NTN4: variants seen among roughly 807,000 people sequenced by gnomAD.
The protein encoded by NTN4 is netrin 4, also known as netrin-4.
In NTN4, 32 loss-of-function variants were observed where a neutral mutation model predicts 73.6. The observed-to-expected ratio is 0.44, with a 90% CI of 0.33 to 0.58. The LOEUF (loss-of-function observed/expected upper bound fraction) is 0.58. Among genes scored for constraint, NTN4 ranks in the 20% least tolerant of loss-of-function variants. The probability of loss-of-function intolerance (pLI) is 0.04; values close to 1 mark genes in which losing one functional copy is unlikely to be tolerated. For synonymous variants in NTN4, 258 were observed against 287.5 expected, an observed-to-expected ratio of 0.90 and a Z score of 1.04; for missense variants, 654 against 798.3, an observed-to-expected ratio of 0.82 and a Z score of 2.18.
At chr12:95,709,151 G>A (rs2078543657) in intron 5 of NTN4, among the ~76,000 whole-genome samples, 1 of 152,176 alleles carries the variant, frequency 6.6e-6, no homozygotes, top group African/African-American at 2.4e-5. Context: ...GAGCAATATA[G>A]TTTTTCCTTT....
At chr12:95,756,199 G>A (rs2078946058) in intron 2 of NTN4, among the ~76,000 whole-genome samples, 2 of 152,114 alleles carry the variant, frequency 1.3e-5, no homozygotes, top group Non-Finnish European at 2.9e-5. Flanking sequence ...AAAAACATAG[G>A]ATTAAAGAAA....
intron 3 of NTN4, among the ~76,000 whole-genome samples, chr12:95,730,268 A>G (rs2078728468): frequency 6.6e-6 from 1 of 152,190 alleles, no homozygotes; most frequent in Non-Finnish European, 1.5e-5. Context: ...ATGAACAAAT[A>G]TTATATTTTG....
intron 2 of NTN4, among the ~76,000 whole-genome samples, chr12:95,771,315 G>A (rs1017165175): frequency 3.3e-5 from 5 of 152,142 alleles, no homozygotes; most frequent in African/African-American, 4.8e-5. Context: ...GAGATACACT[G>A]AGTGTATGCA....
At chr12:95,743,787 C>T (rs2078842910) in intron 2 of NTN4, among the ~76,000 whole-genome samples, 2 of 152,112 alleles carry the variant, frequency 1.3e-5, no homozygotes, top group South Asian at 4.1e-4. Context: ...ACCTTGTATC[C>T]TTGAAAAAGT....
intron 3 of NTN4, among the ~76,000 whole-genome samples, chr12:95,725,694 GT>G (rs2078688870): frequency 6.6e-6 from 1 of 152,104 alleles, no homozygotes; most frequent in African/African-American, 2.4e-5. Flanking sequence ...GTCTTCCATT[GT>G]TTTTTGTTGT....
intron 5 of NTN4, among the ~76,000 whole-genome samples, chr12:95,707,520 C>A (rs2121074041): frequency 6.6e-6 from 1 of 152,264 alleles, no homozygotes; most frequent in African/African-American, 2.4e-5. Context: ...CTCCTCTTCC[C>A]ACCCCAAGCC....
intron 3 of NTN4, among the ~76,000 whole-genome samples, chr12:95,729,247 T>G (rs1363538286): frequency 2.0e-5 from 3 of 151,362 alleles, no homozygotes; most frequent in African/African-American, 7.3e-5. Flanking sequence ...AATATAATAA[T>G]TTTTTCCATT....
chr12:95,674,801 G>A (rs774410978), intron 7 of NTN4, among the ~76,000 whole-genome samples: 22 of 152,162 alleles, frequency 1.4e-4, no homozygotes, highest in South Asian at 4.1e-4. Flanking sequence ...TCAATCTGGC[G>A]TTCATCCAGA....
intron 5 of NTN4, among the ~76,000 whole-genome samples, chr12:95,699,024 TA>T (rs34883760): frequency 0.04 from 5,630 of 140,304 alleles, 193 homozygotes; most frequent in African/African-American, 0.096. Flanking sequence ...CTTCTTGGAT[TA>T]AAAAAAAAAA....
At chr12:95,759,566 T>C (rs1305102393) in intron 2 of NTN4, among the ~76,000 whole-genome samples, 1 of 150,658 alleles carries the variant, frequency 6.6e-6, no homozygotes, top group Non-Finnish European at 1.5e-5. Context: ...GTTCAAGTGA[T>C]TCTCCTGCCT....
At chr12:95,667,534 T>A (rs1246446602) in intron 8 of NTN4, among the ~76,000 whole-genome samples, 4 of 152,080 alleles carry the variant, frequency 2.6e-5, no homozygotes, top group Non-Finnish European at 5.9e-5. Context: ...TAAAAGCTCA[T>A]GTATTTTATA....
intron 4 of NTN4, among the ~76,000 whole-genome samples, chr12:95,712,588 C>T (rs1050860842): frequency 2.6e-4 from 39 of 151,910 alleles, no homozygotes; most frequent in African/African-American, 8.7e-4. Context: ...CAGATGTTCT[C>T]GTGTCTATTC....
intron 3 of NTN4, among the ~76,000 whole-genome samples, chr12:95,721,012 C>T (rs549159913): frequency 9.8e-5 from 15 of 152,298 alleles, no homozygotes; most frequent in African/African-American, 2.9e-4. Flanking sequence ...TTTAAGTAAT[C>T]GGCCCAAGGC....
chr12:95,757,393 C>T (rs76811517), intron 2 of NTN4, among the ~76,000 whole-genome samples: 2 of 152,064 alleles, frequency 1.3e-5, no homozygotes, highest in East Asian at 1.9e-4. Flanking sequence ...AGTCCAAGTT[C>T]AGTGCTATTA....
At position 95,665,994 on chromosome 12, in the gene NTN4, A is replaced by T. The variant is rs376640848; in HGVS notation, c.1580-14T>A. On this transcript the variant is annotated splice_polypyrimidine_tract_variant and intron_variant, in intron 8 of 9. Transcript: ENST00000343702. ...TTATTTTTAGCACTGTTAACACAGAAGTCAAAATGCATAGAATTTCATATT... is the reference window on the plus strand; with the variant it reads ...TTATTTTTAGCACTGTTAACACAGATGTCAAAATGCATAGAATTTCATATT... 1 of 1,571,470 alleles carries T rather than the reference A, an allele frequency of 6.4e-7. No individual in the cohort carries two copies. The highest frequency in any genetic ancestry group is 8.7e-7 in the Non-Finnish European group (1 of 1,152,012).
chr12:95,710,847 C>A (rs1025113068), intron 4 of NTN4, among the ~76,000 whole-genome samples: 1 of 151,860 alleles, frequency 6.6e-6, no homozygotes, highest in South Asian at 2.1e-4. Flanking sequence ...CTACTAAATA[C>A]AAAAAAATTA....
chr12:95,704,920 C>G (rs1431967003), intron 5 of NTN4, among the ~76,000 whole-genome samples: 1 of 152,190 alleles, frequency 6.6e-6, no homozygotes, highest in East Asian at 1.9e-4. Context: ...ACCTCCTATA[C>G]ATTATGCTAA....
chr12:95,719,082 T>C (rs1348908355), intron 3 of NTN4, among the ~76,000 whole-genome samples: 1 of 152,162 alleles, frequency 6.6e-6, no homozygotes, highest in Non-Finnish European at 1.5e-5. Context: ...AAGGAACAAC[T>C]ATTGTTTGAG....
intron 5 of NTN4, among the ~76,000 whole-genome samples, chr12:95,706,646 A>G (rs1403824142): frequency 6.6e-6 from 1 of 152,182 alleles, no homozygotes; most frequent in Non-Finnish European, 1.5e-5. Context: ...GGCCCTCTCA[A>G]ATCTAGCCCC....
Sources: gnomAD v4.1 joint callset for allele counts (sites outside exome capture counted in the v4.1 genomes callset) on GRCh38, gnomAD v4.1.1 for gene constraint, MANE v1.5 for transcripts, NCBI Gene and HGNC (gene_info 2026-07-23, HGNC 2026-07-21) for gene names.